Variants in BCAS3 observed in about 807,000 individuals in gnomAD.
BCAS3 encodes BCAS3 microtubule associated cell migration factor.
In BCAS3, 53 loss-of-function variants were observed where a neutral mutation model predicts 116.1. That is an observed-to-expected ratio of 0.46 (90% CI 0.37 to 0.57). BCAS3 has a LOEUF of 0.57. Among genes scored for constraint, BCAS3 ranks in the 20% least tolerant of loss-of-function variants. The pLI is 0.00. For missense variants in BCAS3, 917 were observed against 1,165.4 expected, an observed-to-expected ratio of 0.79 and a Z score of 3.10; for synonymous variants, 391 against 408.2, an observed-to-expected ratio of 0.96 and a Z score of 0.51.
At chr17:60,740,557 G>A (rs1049128515) in intron 5 of BCAS3, among the ~76,000 whole-genome samples, 1 of 151,626 alleles carries the variant, frequency 6.6e-6, no homozygotes, top group African/African-American at 2.4e-5. Flanking sequence ...TTGGGTAAAA[G>A]GAACTATGGT....
intron 14 of BCAS3, among the ~76,000 whole-genome samples, chr17:60,976,020 CTTTTTTT>C (rs755966067): frequency 5.0e-4 from 49 of 98,314 alleles, no homozygotes; most frequent in African/African-American, 1.8e-3. Context: ...TAGATTTTTG[CTTTTTTT>C]TTTTTTTTTT....
chr17:60,780,499 C>T (rs1457470508), intron 6 of BCAS3, among the ~76,000 whole-genome samples: 1 of 151,926 alleles, frequency 6.6e-6, no homozygotes, highest in Non-Finnish European at 1.5e-5. Context: ...GACGGGGTTT[C>T]ACTATGTTGG....
rs1051795735 is a variant in BCAS3, at chr17:61,013,701, T to C, written c.1487-2050T>C. On this transcript the variant is annotated intron_variant, in intron 15 of 23. Transcript: ENST00000407086. The surrounding 1 kb of genome is among the most constrained non-coding windows in gnomAD (Gnocchi z 4.4). ...AATTGAGGAGATAGAGAACGATTTATTTTATTTGCATGAATTTCTTATCTT... is the reference window on the plus strand; with the variant it reads ...AATTGAGGAGATAGAGAACGATTTACTTTATTTGCATGAATTTCTTATCTT... Among the ~76,000 whole-genome samples, 6 of 152,126 alleles carry C rather than the reference T, an allele frequency of 3.9e-5. No individual in the cohort carries two copies. The highest frequency in any genetic ancestry group is 7.4e-5 in the Non-Finnish European group (5 of 67,988).
chr17:61,328,500 C>G (rs1490369149), intron 22 of BCAS3, among the ~76,000 whole-genome samples: 1 of 152,226 alleles, frequency 6.6e-6, no homozygotes, highest in African/African-American at 2.4e-5. Context: ...GGCACAGTGG[C>G]TCACACCTGT....
chr17:61,150,745 A>G (rs1425235629), intron 22 of BCAS3, among the ~76,000 whole-genome samples: 3 of 152,190 alleles, frequency 2.0e-5, no homozygotes, highest in African/African-American at 7.2e-5. Flanking sequence ...CAAGTTGTAA[A>G]TGTCTTTAAC....
chr17:60,771,550 T>C (rs1598603475), intron 6 of BCAS3, among the ~76,000 whole-genome samples: 1 of 129,608 alleles, frequency 7.7e-6, no homozygotes. Flanking sequence ...TAGTGACGGG[T>C]ATCTTTTTTT....
In BCAS3 at chr17:61,084,639, G is replaced by C; in HGVS notation, c.2425+75G>C. 1 of 1,234,854 alleles carries C rather than the reference G, an allele frequency of 8.1e-7. No homozygotes were observed. The highest frequency in any genetic ancestry group is 1.2e-6 in the Non-Finnish European group (1 of 851,148). 76.5% of individuals were successfully genotyped at this position (1,234,854 alleles called of 1,614,324 possible). ...ACTAATTTTCTCGCACAATGTAGAGGATGACATTTATTTGCTTTCCTCTCT... is the reference window on the plus strand; with the variant it reads ...ACTAATTTTCTCGCACAATGTAGAGCATGACATTTATTTGCTTTCCTCTCT... On this transcript the variant is annotated intron_variant, in intron 22 of 23. Coordinates refer to ENST00000407086, the MANE Select transcript of BCAS3 (RefSeq NM_017679.5). This position sits in a 1 kb window ranked among gnomAD's most constrained non-coding sequence, Gnocchi z 5.5.
Position 61,140,958 on chromosome 17 carries a change from C to A in BCAS3, c.2425+56394C>A, listed in dbSNP as rs2076885353. Among the ~76,000 whole-genome samples the A allele has an allele frequency of 6.6e-6, 1 of 151,644 alleles. No homozygotes were observed. The highest frequency in any genetic ancestry group is 2.1e-4 in the South Asian group (1 of 4,814). ...CCATTTGAGTGTTTTTTTTTTCCCC[C>A]AAAAGTATAATAGTGAAATGGGGCA... On this transcript the variant is annotated intron_variant, in intron 22 of 23. Transcript: ENST00000407086. This position sits in a 1 kb window ranked among gnomAD's most constrained non-coding sequence, Gnocchi z 4.2.
intron 19 of BCAS3, among the ~76,000 whole-genome samples, chr17:61,066,810 A>G (rs1342490542): frequency 6.6e-6 from 1 of 152,096 alleles, no homozygotes; most frequent in Non-Finnish European, 1.5e-5. Flanking sequence ...TTTTCTAGGA[A>G]TGGTAATAAC....
intron 12 of BCAS3, among the ~76,000 whole-genome samples, chr17:60,911,601 ATTT>A (rs1000458453): frequency 6.7e-6 from 1 of 150,028 alleles, no homozygotes; most frequent in African/African-American, 2.5e-5. Context: ...CCCAGCCTTA[ATTT>A]TTGTATTTTT....
chr17:60,987,189 T>C (rs1349518982), intron 14 of BCAS3: 2 of 152,130 alleles, frequency 1.3e-5, no homozygotes, highest in Non-Finnish European at 2.9e-5. Context: ...CATTGGTGTA[T>C]GTGTCTGTTT....
Position 60,990,211 on chromosome 17 carries a change from A to G in BCAS3, c.1462A>G (p.Ser488Gly). Residue 488 changes from serine to glycine, a missense_variant, in exon 15 of 24, where the codon AGC becomes GGC. Ser to Gly is a moderately conservative substitution (Grantham distance 56). Around this residue, in one of 3 missense-constraint regions of BCAS3, gnomAD observed 807 missense variants for 1,026.0 expected, o/e 0.79. Coordinates refer to ENST00000407086, the MANE Select transcript of BCAS3 (RefSeq NM_017679.5). This position sits in a 1 kb window ranked among gnomAD's most constrained non-coding sequence, Gnocchi z 5.1. Reference protein sequence around the residue: ...RCSPVPGLSSSPSGSPLHGKL... With the variant: ...RCSPVPGLSSGPSGSPLHGKL... ...TAGCCCTGTTCCAGGTCTATCAAGC[A>G]GCCCTTCTGGGTCACCCTTGCATGG... is the stretch of plus-strand genomic sequence containing the variant. The G allele has an allele frequency of 6.2e-7, 1 of 1,614,148 alleles. No individual in the cohort carries two copies. The highest frequency in any genetic ancestry group is 1.1e-5 in the South Asian group (1 of 91,082).
At chr17:60,733,089 A>G (rs939203503) in intron 5 of BCAS3, among the ~76,000 whole-genome samples, 9 of 152,192 alleles carry the variant, frequency 5.9e-5, no homozygotes, top group African/African-American at 2.2e-4. Flanking sequence ...TTGAGTGCCA[A>G]TTATTATATA....
intron 22 of BCAS3, among the ~76,000 whole-genome samples, chr17:61,330,332 C>T (rs2056167516): frequency 6.6e-6 from 1 of 150,482 alleles, no homozygotes; most frequent in Admixed American, 6.6e-5. Flanking sequence ...AATCACGGCT[C>T]ACTGCAGCCT....
intron 5 of BCAS3, chr17:60,727,107 A>G: frequency 2.4e-6 from 1 of 424,616 alleles, no homozygotes; most frequent in East Asian, 4.3e-5. Flanking sequence ...TCTCTCAGGT[A>G]ATTTTTCTAT....
chr17:60,922,544 T>C (rs1334262873), intron 12 of BCAS3, among the ~76,000 whole-genome samples: 2 of 152,182 alleles, frequency 1.3e-5, no homozygotes, highest in Non-Finnish European at 2.9e-5. Flanking sequence ...TATTTCTCTA[T>C]TAAAAAATAA....
chr17:61,070,040 A>C, intron 19 of BCAS3: 1 of 1,595,086 alleles, frequency 6.3e-7, no homozygotes, highest in Non-Finnish European at 8.5e-7. Context: ...CTCTGGAGAC[A>C]GCCCAAATAT....
rs2060065538 is a variant in BCAS3 at position 61,390,205 on chromosome 17, A to T, written c.2594-1772A>T. 1 of 152,258 alleles carries T rather than the reference A, an allele frequency of 6.6e-6. No homozygotes were observed. Among genetic ancestry groups the T allele is most frequent in the Non-Finnish European group, 1.5e-5 (1 of 68,070 alleles). The allele number at this position is 152,258 out of a possible 1,614,324, so 9.4% of individuals were successfully genotyped here. ...GGCTTGCTTTTGGGGAAATAAGGCA[A>T]CAGAGGGGTCTCTTGGAGTCTGGAG... On this transcript the variant is annotated intron_variant, in intron 23 of 23. Transcript: ENST00000407086. The surrounding 1 kb of genome is among the most constrained non-coding windows in gnomAD (Gnocchi z 6.8).
intron 3 of BCAS3, among the ~76,000 whole-genome samples, chr17:60,686,852 A>G (rs1210070145): frequency 1.3e-5 from 2 of 152,184 alleles, no homozygotes; most frequent in Non-Finnish European, 2.9e-5. Context: ...AAATAATTCA[A>G]CAAAGAAAAA....
Sources: allele counts gnomAD v4.1 joint callset (sites outside exome capture counted in the v4.1 genomes callset), GRCh38; gene constraint gnomAD v4.1.1; regional missense constraint gnomAD v4.1.1; non-coding constraint Gnocchi (gnomAD v3.1); transcripts MANE v1.5; gene names NCBI Gene and HGNC (gene_info 2026-07-23, HGNC 2026-07-21).